Variants in LANCL3 observed in about 807,000 individuals in gnomAD.
LANCL3 encodes LanC like family member 3.
LANCL3 carries 19 observed loss-of-function variants against 26.5 expected under a neutral mutation model. The ratio of observed to expected loss-of-function variants is 0.72; its 90% confidence interval spans 0.50 to 1.05. The LOEUF (loss-of-function observed/expected upper bound fraction) is 1.05. Among genes scored for constraint, LANCL3 ranks in the 50% least tolerant of loss-of-function variants. LANCL3 has a pLI of 0.00. For missense variants in LANCL3, 318 were observed against 362.7 expected (o/e 0.88, Z 1.00); for synonymous variants, 160 against 166.6 (o/e 0.96, Z 0.30).
intron 1 of LANCL3, among the ~76,000 whole-genome samples, chrX:37,640,572 G>A (rs1925837127): frequency 9.0e-6 from 1 of 111,715 alleles, no homozygotes; most frequent in Non-Finnish European, 1.9e-5. Flanking sequence ...CTCCTAGTAA[G>A]CCATAGCAGG....
rs781987118 is a variant in LANCL3, at chrX:37,576,461, G to A, written c.573+4018G>A. ...GCAGAGGGATTCTGGGGAGACCTAG[G>A]ATCTCAGTTAAAATAATAATTCTGC... On this transcript the variant is annotated intron_variant, in intron 1 of 4. Coordinates refer to ENST00000378619, the MANE Select transcript of LANCL3 (RefSeq NM_001170331.2). Among the ~76,000 whole-genome samples, 3 of 111,568 alleles carry A rather than the reference G, an allele frequency of 2.7e-5. No individual in the cohort carries two copies. The East Asian group carries it at 8.4e-4, about 31-fold the overall frequency.
intron 1 of LANCL3, among the ~76,000 whole-genome samples, chrX:37,600,638 G>C (rs1392788180): frequency 8.9e-6 from 1 of 111,758 alleles, no homozygotes; most frequent in Non-Finnish European, 1.9e-5. Flanking sequence ...TTAACACCCT[G>C]GTATTGTAAC....
intron 3 of LANCL3, among the ~76,000 whole-genome samples, chrX:37,665,163 G>A (rs1926517295): frequency 1.8e-5 from 2 of 111,877 alleles, no homozygotes; most frequent in African/African-American, 6.5e-5. Flanking sequence ...AAAAATAAAA[G>A]CCAACCAATC....
At chrX:37,574,936 T>A (rs1270369298) in intron 1 of LANCL3, among the ~76,000 whole-genome samples, 1 of 107,878 alleles carries the variant, frequency 9.3e-6, no homozygotes, top group Non-Finnish European at 1.9e-5. Flanking sequence ...TATATATAAT[T>A]TTTTTTTGAG....
chrX:37,595,284 T>G (rs1380001758), intron 1 of LANCL3, among the ~76,000 whole-genome samples: 1 of 112,183 alleles, frequency 8.9e-6, no homozygotes, highest in Non-Finnish European at 1.9e-5. Flanking sequence ...AGATGACGTG[T>G]TTTTAATTTT....
intron 3 of LANCL3, among the ~76,000 whole-genome samples, chrX:37,666,708 T>G (rs782031025): frequency 2.2e-4 from 25 of 111,910 alleles, no homozygotes; most frequent in Non-Finnish European, 4.1e-4. Context: ...ACAATCAGGG[T>G]GGGAAGGACT....
At position 37,678,307 on chromosome X, in the gene LANCL3, G is replaced by C. The variant is rs1174546079; in HGVS notation, c.*2494G>C. On this transcript the variant is annotated 3_prime_UTR_variant, in exon 5 of 5. Transcript: ENST00000378619. Reference sequence around the variant, plus strand: ...ATTTTGCTGTAGGAAAGTGTGGCATGTTACTTCTTATTTAATTATCCAACT... The same window carrying C: ...ATTTTGCTGTAGGAAAGTGTGGCATCTTACTTCTTATTTAATTATCCAACT... 9.1e-6 allele frequency: 1 copy of C among 110,434 alleles called. No individual in the cohort carries two copies. Among genetic ancestry groups the C allele is most frequent in the Non-Finnish European group, 1.9e-5 (1 of 52,607 alleles). 9.1% of individuals were successfully genotyped at this position (110,434 alleles called of 1,213,427 possible).
chrX:37,578,090 A>G (rs1447615171), intron 1 of LANCL3, among the ~76,000 whole-genome samples: 1 of 111,903 alleles, frequency 8.9e-6, no homozygotes, highest in Non-Finnish European at 1.9e-5. Context: ...TCACCTTTCA[A>G]TGTTGTAAGA....
At chrX:37,572,910 T>G (rs1556415962) in intron 1 of LANCL3, among the ~76,000 whole-genome samples, 1 of 112,264 alleles carries the variant, frequency 8.9e-6, no homozygotes, top group Non-Finnish European at 1.9e-5. Context: ...CAAGAATAAC[T>G]GCTCAGCTGT....
chrX:37,666,343 G>A (rs782481039), intron 3 of LANCL3, among the ~76,000 whole-genome samples: 1 of 112,153 alleles, frequency 8.9e-6, no homozygotes, highest in African/African-American at 3.2e-5. Context: ...ACCAGACAGA[G>A]TGTGAGTTTC....
In LANCL3 at chrX:37,638,606, C is replaced by T. The variant is rs1925773513; in HGVS notation, c.574-17082C>T. Among the ~76,000 whole-genome samples, 6 of 111,614 alleles carry T rather than the reference C, an allele frequency of 5.4e-5. 1 individual carries two copies. In the South Asian group the frequency reaches 2.3e-3, roughly 42 times the overall value. ...ATATAACAGATATGCTGTTCAATTC[C>T]CTGATTTATTTTTGCTTTTTTATAA... On this transcript the variant is annotated intron_variant, in intron 1 of 4. Coordinates refer to ENST00000378619, the MANE Select transcript of LANCL3 (RefSeq NM_001170331.2).
At chrX:37,623,056 TTTG>T (rs1320090211) in intron 1 of LANCL3, among the ~76,000 whole-genome samples, 2 of 112,250 alleles carry the variant, frequency 1.8e-5, no homozygotes, top group Non-Finnish European at 1.9e-5. Context: ...AGGGTCATTT[TTTG>T]TTGTTGTTTG....
intron 3 of LANCL3, among the ~76,000 whole-genome samples, chrX:37,662,978 A>G (rs1926458724): frequency 1.8e-5 from 2 of 111,432 alleles, no homozygotes; most frequent in South Asian, 7.6e-4. Flanking sequence ...CCTGGCCAGA[A>G]CCACAGGATC....
chrX:37,616,807 T>TG (rs1295247907), intron 1 of LANCL3, among the ~76,000 whole-genome samples: 3 of 111,694 alleles, frequency 2.7e-5, no homozygotes, highest in Admixed American at 9.5e-5. Context: ...GAGTGGTCCC[T>TG]GGGCCAGCAC....
chrX:37,662,321 A>G (rs1926441500), intron 3 of LANCL3, among the ~76,000 whole-genome samples: 1 of 112,338 alleles, frequency 8.9e-6, no homozygotes, highest in Admixed American at 9.4e-5. Flanking sequence ...GAAACTCTCA[A>G]CCGCATTAGG....
At chrX:37,642,311 GTGGGCT>G (rs1556425995) in intron 1 of LANCL3, among the ~76,000 whole-genome samples, 3 of 112,031 alleles carry the variant, frequency 2.7e-5, no homozygotes, top group African/African-American at 9.7e-5. Flanking sequence ...CCCAGTTTAT[GTGGGCT>G]TGGCTGTAAG....
chrX:37,615,038 T>G (rs782392775), intron 1 of LANCL3, among the ~76,000 whole-genome samples: 2 of 111,882 alleles, frequency 1.8e-5, no homozygotes, highest in Non-Finnish European at 3.8e-5. Context: ...TTTATTATTA[T>G]CCCCATTTTA....
chrX:37,646,923 C>T (rs1925998895), intron 1 of LANCL3, among the ~76,000 whole-genome samples: 1 of 112,025 alleles, frequency 8.9e-6, no homozygotes, highest in Admixed American at 9.5e-5. Flanking sequence ...TTTTCTATGT[C>T]AACTCATCCC....
chrX:37,602,926 T>C (rs1167791678), intron 1 of LANCL3, among the ~76,000 whole-genome samples: 1 of 109,918 alleles, frequency 9.1e-6, no homozygotes, highest in Non-Finnish European at 1.9e-5. Flanking sequence ...TTTTTATCTG[T>C]AGTCTAGTCA....
Sources: gnomAD v4.1 joint callset for allele counts (sites outside exome capture counted in the v4.1 genomes callset) on GRCh38, gnomAD v4.1.1 for gene constraint, MANE v1.5 for transcripts, NCBI Gene and HGNC (gene_info 2026-07-23, HGNC 2026-07-21) for gene names.